Variants in EPN3 observed in about 807,000 individuals in gnomAD.
EPN3 encodes the protein epsin 3.
In EPN3, 56 loss-of-function variants were observed where a neutral mutation model predicts 55.5. The ratio of observed to expected loss-of-function variants is 1.01; its 90% CI spans 0.81 to 1.26. The LOEUF (loss-of-function observed/expected upper bound fraction) is 1.26, where lower values mean the gene tolerates loss of function less well. Ranked by LOEUF, EPN3 falls within the 50% of genes most tolerant of loss-of-function variation. The pLI, the probability that EPN3 is intolerant of heterozygous loss-of-function variation, is 0.00. For synonymous variants in EPN3, 449 were observed against 375.2 expected (o/e 1.20, Z -2.27); for missense variants, 927 against 853.4 (o/e 1.09, Z -1.07).
chr17:50,534,890 G>C (rs1328617070), intron 1 of EPN3, among the ~76,000 whole-genome samples: 1 of 152,198 alleles, frequency 6.6e-6, no homozygotes, highest in Admixed American at 6.5e-5. Flanking sequence ...GGCTGGGATG[G>C]AGGGTGGAGC....
rs1310205438 is a variant in EPN3 at position 50,537,082 on chromosome 17, T to C, written c.526T>C (p.Tyr176His). The C allele has an allele frequency of 6.2e-7, 1 of 1,610,324 alleles. No individual in the cohort carries two copies. Among genetic ancestry groups the C allele is most frequent in the East Asian group, 2.2e-5 (1 of 44,836 alleles). The change falls in exon 2 of 10, where the codon TAC becomes CAC. Residue 176 changes from tyrosine to histidine, a missense_variant. Transcript: ENST00000268933. ...CTTCAGCCGCCGCTACGGCGAGGAC[T>C]ACAGCCGCTCCCGGGGCTCCCCGTC... ...LGFSRRYGED[Y>H]SRSRGSPSSY...
At chr17:50,538,389 C>A (rs1389569043) in intron 3 of EPN3, 192 bp downstream of exon 3, 1 of 581,428 alleles carries the variant, frequency 1.7e-6, no homozygotes, top group East Asian at 2.9e-5. Flanking sequence ...GTCCTCTCCA[C>A]TGGGCCTGGA....
chr17:50,542,132 AGACCGGCACC>A lies in EPN3; in HGVS notation c.1875_1884del (p.Gly627ProfsTer34). 6.6e-7 allele frequency: 1 copy of A among 1,517,182 alleles called. No homozygotes were observed. Among genetic ancestry groups the A allele is most frequent in the Non-Finnish European group, 8.8e-7 (1 of 1,141,206 alleles). The allele number at this position is 1,517,182 out of a possible 1,614,324, so 94.0% of individuals were successfully genotyped here. On this transcript the variant is annotated frameshift_variant, in exon 10 of 10. Coordinates refer to ENST00000268933, the MANE Select transcript of EPN3 (RefSeq NM_017957.3). LOFTEE classifies it high-confidence loss of function. ...GCCGGGCCGCGGCCCCCGCCCCCGC[AGACCGGCACC>A]AACCCCTTCCTCTGAGCCCCGCCCC...
intron 3 of EPN3, chr17:50,538,643 G>T: frequency 2.2e-6 from 1 of 462,088 alleles, no homozygotes. Context: ...CACACAGGAG[G>T]GCCTGAGGAA....
chr17:50,537,032 T>C lies in EPN3; in HGVS notation c.476T>C (p.Ile159Thr). The change falls in exon 2 of 10, where the codon ATC becomes ACC. Residue 159 changes from isoleucine (I) to threonine (T), a missense_variant. By Grantham distance (89) the Ile-to-Thr change is moderately conservative. Transcript: ENST00000268933. The stretch of plus-strand genomic sequence containing the variant: ...AAGGAGCGCATGGCACTGGAGGGCA[T>C]CGGCATTGGCAGTGGGCAGCTGGGC... Reference protein sequence around the residue: ...KTKERMALEGIGIGSGQLGFS... With the variant: ...KTKERMALEGTGIGSGQLGFS... The C allele has an allele frequency of 6.2e-7, 1 of 1,612,976 alleles. No homozygotes were observed. The highest frequency in any genetic ancestry group is 8.5e-7 in the Non-Finnish European group (1 of 1,179,894).
In EPN3 at chr17:50,542,528, C is replaced by G. The variant is rs980080829; in HGVS notation, c.*371C>G. On this transcript the variant is annotated 3_prime_UTR_variant, in exon 10 of 10. Transcript: ENST00000268933. ...AACCCTCACCTCCATCCCCCGTCACCCAGGCACCTTCGCTTCCAGATGCTG... is the reference window on the plus strand; with the variant it reads ...AACCCTCACCTCCATCCCCCGTCACGCAGGCACCTTCGCTTCCAGATGCTG... The G allele has an allele frequency of 8.8e-6, 2 of 227,626 alleles. No homozygotes were observed. The highest frequency in any genetic ancestry group is 1.7e-5 in the Non-Finnish European group (2 of 118,704). 14.1% of individuals were successfully genotyped at this position (227,626 alleles called of 1,614,324 possible).
At position 50,540,270 on chromosome 17, in the gene EPN3, CAT is replaced by C. The variant is rs1387113823; in HGVS notation, c.916_917del (p.Ile306LeufsTer15). ...SQSSILDLADIFVPALAPPST... is the reference protein window; with the variant it reads ...SQSSILDLADXFVPALAPPST... ...AGTCCTCCATCCTGGACTTGGCTGA[CAT>C]CTTCGTACCTGCCCTGGCCCCGCCC... On this transcript the variant is annotated frameshift_variant, in exon 6 of 10. Transcript: ENST00000268933. LOFTEE classifies it high-confidence loss of function. The C allele has an allele frequency of 1.9e-6, 3 of 1,612,600 alleles. No homozygotes were observed. The African/African-American group carries it at 4.0e-5, about 22-fold the overall frequency.
At chr17:50,534,185 T>C (rs1402017643) in intron 1 of EPN3, among the ~76,000 whole-genome samples, 3 of 151,330 alleles carry the variant, frequency 2.0e-5, no homozygotes, top group Non-Finnish European at 3.0e-5. Flanking sequence ...AGCCTCACCT[T>C]GTCCCCTCAA....
At position 50,541,941 on chromosome 17, in the gene EPN3, G is replaced by C. The variant is rs772645150; in HGVS notation, c.1683G>C (p.Leu561=). ...QMRTGSPALG[L]AGGPVGAPLG... ...GCACCGGCTCGCCGGCGCTGGGCCT[G>C]GCAGGCGGGCCTGTGGGGGCGCCCC... Residue 561 remains leucine (L), a synonymous_variant, in exon 10 of 10, where the codon CTG becomes CTC. Coordinates refer to ENST00000268933, the MANE Select transcript of EPN3 (RefSeq NM_017957.3). The C allele has an allele frequency of 2.5e-6, 4 of 1,597,614 alleles. No individual in the cohort carries two copies. The highest frequency in any genetic ancestry group is 1.3e-5 in the African/African-American group (1 of 74,918).
chr17:50,537,754 G>A (rs538531073), intron 2 of EPN3, among the ~76,000 whole-genome samples: 2 of 152,308 alleles, frequency 1.3e-5, no homozygotes, highest in South Asian at 4.1e-4. Flanking sequence ...CACCTCCCTT[G>A]CCCCCAAGCC....
rs778084056 is a variant in EPN3, at chr17:50,541,856, C to T, written c.1598C>T (p.Pro533Leu). ...TCTCGTTCTGCAGGTCTCAGCGCTC[C>T]GTCCCCCACCAACCCGTTCGGCGCG... ...RNPFLTGLSA[P>L]SPTNPFGAGE... Residue 533 changes from proline (P) to leucine (L), a missense_variant, in exon 10 of 10, where the codon CCG (proline) becomes CTG (leucine). Transcript: ENST00000268933. The T allele has an allele frequency of 6.2e-6, 10 of 1,609,952 alleles. No individual in the cohort carries two copies. The South Asian group carries it at 6.6e-5, about 11-fold the overall frequency.
intron 1 of EPN3, among the ~76,000 whole-genome samples, chr17:50,533,584 G>C (rs370085214): frequency 6.6e-6 from 1 of 152,116 alleles, no homozygotes; most frequent in South Asian, 2.1e-4. Flanking sequence ...CCATCTCTCC[G>C]AAACCCTTGC....
In EPN3 at chr17:50,532,951, G is replaced by C. The variant is rs1295975732; in HGVS notation, c.-171G>C. ...GGAGGGTCACCGCAGAGGCTACTCG[G>C]GCTGGGGCTGGGGCCGAGGGAGCCC... On this transcript the variant is annotated 5_prime_UTR_variant, in exon 1 of 10. Transcript: ENST00000268933. 4 of 1,285,288 alleles carry C rather than the reference G, an allele frequency of 3.1e-6. No homozygotes were observed. Among genetic ancestry groups the C allele is most frequent in the Non-Finnish European group, 4.1e-6 (4 of 987,148 alleles). 79.6% of individuals were successfully genotyped at this position (1,285,288 alleles called of 1,614,324 possible). A position where few individuals can be genotyped will look rare whatever the true frequency, so the allele number is the denominator to read the frequency against.
At chr17:50,540,589 T>C (rs2034834041) in intron 6 of EPN3, among the ~76,000 whole-genome samples, 1 of 152,162 alleles carries the variant, frequency 6.6e-6, no homozygotes, top group Non-Finnish European at 1.5e-5. Context: ...CCTGGGAAGG[T>C]GGCCTGAGTC....
chr17:50,534,948 C>T (rs2034737567), intron 1 of EPN3, among the ~76,000 whole-genome samples: 1 of 152,160 alleles, frequency 6.6e-6, no homozygotes, highest in African/African-American at 2.4e-5. Flanking sequence ...GAAGTGGAGG[C>T]TCTGCAGGCC....
chr17:50,534,307 C>T (rs2034726714), intron 1 of EPN3: 2 of 634,896 alleles, frequency 3.2e-6, no homozygotes, highest in African/African-American at 2.0e-5. Flanking sequence ...AAGGTCCAGG[C>T]AGGGCCGCTG....
rs2034848490 is a variant in EPN3, at chr17:50,541,517, G to C, written c.1408G>C (p.Glu470Gln). 1 of 1,614,146 alleles carries C rather than the reference G, an allele frequency of 6.2e-7. No individual in the cohort carries two copies. The highest frequency in any genetic ancestry group is 8.5e-7 in the Non-Finnish European group (1 of 1,180,034). The part of the protein sequence containing the change: ...SPSSKQNGTK[E>Q]PDALDLGILG... ...CAGTTCCAAGCAAAATGGCACGAAG[G>C]AGCCAGATGCCCTGGACCTGGGCAT... The change falls in exon 9 of 10, where the codon GAG (glutamate) becomes CAG (glutamine). Residue 470 changes from glutamate (E) to glutamine (Q), a missense_variant. Transcript: ENST00000268933.
In EPN3 at chr17:50,541,677, G is replaced by A. The variant is rs1360071489; in HGVS notation, c.1568G>A (p.Arg523Gln). ...LVKAPQVAKT[R>Q]NPFLTGLSAP... Reference sequence around the variant, plus strand: ...AAGGCACCCCAGGTTGCAAAGACCCGGAACCCCTTCCTGACAGGTAAGATA... The same window carrying A: ...AAGGCACCCCAGGTTGCAAAGACCCAGAACCCCTTCCTGACAGGTAAGATA... The change falls in exon 9 of 10, where the codon CGG becomes CAG. Residue 523 changes from arginine to glutamine, a missense_variant. Coordinates refer to ENST00000268933, the MANE Select transcript of EPN3 (RefSeq NM_017957.3). 1.2e-6 allele frequency: 2 copies of A among 1,613,380 alleles called. No homozygotes were observed. Among genetic ancestry groups the A allele is most frequent in the East Asian group, 4.5e-5 (2 of 44,868 alleles).
chr17:50,538,095 C>A lies in EPN3; in HGVS notation c.579C>A (p.Pro193=). The A allele has an allele frequency of 6.2e-7, 1 of 1,613,998 alleles. No homozygotes were observed. The highest frequency in any genetic ancestry group is 1.1e-5 in the South Asian group (1 of 91,048). ...TCATTGCAGCCTCCTCTTCGTCACC[C>A]CGCTATACCTCCGACCTGGAGCAGG... is the stretch of plus-strand genomic sequence containing the variant. ...PSSYNSSSSS[P]RYTSDLEQAR... The change falls in exon 3 of 10, where the codon CCC becomes CCA. Residue 193 remains proline, a synonymous_variant. Transcript: ENST00000268933.
Sources: gnomAD v4.1 joint callset for allele counts (sites outside exome capture counted in the v4.1 genomes callset) on GRCh38, gnomAD v4.1.1 for gene constraint, MANE v1.5 for transcripts, NCBI Gene and HGNC (gene_info 2026-07-23, HGNC 2026-07-21) for gene names.